The following PLK5 variants were observed in gnomAD, a reference collection of about 807,000 sequenced individuals.
PLK5 encodes inactive serine/threonine-protein kinase PLK5.
In PLK5, 28 loss-of-function variants were observed where a neutral mutation model predicts 33.7. That is an observed-to-expected ratio of 0.83 (90% CI 0.62 to 1.14). PLK5 has a LOEUF of 1.14. Ranked by LOEUF, PLK5 falls within the 50% of genes most tolerant of loss-of-function variation. The probability of loss-of-function intolerance (pLI) is 0.00; values close to 1 mark genes in which losing one functional copy is unlikely to be tolerated. For synonymous variants in PLK5, 225 were observed against 202.2 expected (o/e 1.11, Z -0.96); for missense variants, 492 against 461.5 (o/e 1.07, Z -0.61).
At position 1,531,868 on chromosome 19, in the gene PLK5, T is replaced by C. The variant is rs992255674; in HGVS notation, c.699T>C (p.Pro233=). 4 of 1,494,726 alleles carry C rather than the reference T, an allele frequency of 2.7e-6. No homozygotes were observed. In the Admixed American group the frequency reaches 8.5e-5, roughly 32 times the overall value. The allele number at this position is 1,494,726 out of a possible 1,614,324, so 92.6% of individuals were successfully genotyped here. A position where few individuals can be genotyped will look rare whatever the true frequency, so the allele number is the denominator to read the frequency against. ...GCACGGGACGGCACCCACATGGCCC[T>C]GCGACCCCCCGGAGGGTAAGTTGTG... is the stretch of plus-strand genomic sequence containing the variant. ...GGRTGRHPHG[P]ATPRREGTLP... The change falls in exon 12 of 14, where the codon CCT becomes CCC. Residue 233 remains proline, a synonymous_variant. Transcript: ENST00000454744.
chr19:1,533,569 A>C (rs992178469), intron 12 of PLK5: 4 of 472,306 alleles, frequency 8.5e-6, no homozygotes, highest in African/African-American at 3.9e-5. Context: ...TGAGGTGAAG[A>C]GAGGACAGAG....
At chr19:1,529,903 C>A in intron 11 of PLK5, 79 bp downstream of exon 11, 1 of 1,412,228 alleles carries the variant, frequency 7.1e-7, no homozygotes, top group Non-Finnish European at 9.5e-7. Context: ...ATCCTGGGCC[C>A]TCCTGGGTAT....
At chr19:1,526,307 GC>G (rs3215201) in intron 3 of PLK5, among the ~76,000 whole-genome samples, 178 bp from the exon 4 acceptor site, 61,608 of 151,596 alleles carry the variant, frequency 0.41, 13,892 homozygotes, top group East Asian at 0.71. Context: ...AAAGGTTCGT[GC>G]CCCCCCTCAG....
At chr19:1,531,401 C>G (rs953297871) in intron 11 of PLK5, among the ~76,000 whole-genome samples, 3 of 140,892 alleles carry the variant, frequency 2.1e-5, no homozygotes, top group Non-Finnish European at 3.1e-5. Flanking sequence ...GAGCAAGACT[C>G]TGTCTCAAAA....
In PLK5 at chr19:1,527,986, A is replaced by T. The variant is rs2145541354; in HGVS notation, c.53A>T (p.Glu18Val). Residue 18 changes from glutamate to valine, a missense_variant, in exon 7 of 14, where the codon GAG (glutamate) becomes GTG (valine). Coordinates refer to ENST00000454744, the MANE Select transcript of PLK5 (RefSeq NM_001243079.2). ...TPPFMASPLS[E>V]MYQNIREGHY... ...CCCTTCATGGCCTCACCCCTGTCGG[A>T]GATGTACCAAAACATCCGTGAGGGC... The T allele has an allele frequency of 6.5e-7, 1 of 1,535,986 alleles. No homozygotes were observed. Among genetic ancestry groups the T allele is most frequent in the Non-Finnish European group, 8.7e-7 (1 of 1,146,822 alleles).
At chr19:1,532,050 T>C (rs1365597115) in intron 12 of PLK5, among the ~76,000 whole-genome samples, 167 bp downstream of exon 12, 6 of 152,180 alleles carry the variant, frequency 3.9e-5, no homozygotes, top group African/African-American at 1.4e-4. Context: ...CTGTAGTAAA[T>C]GAACCCAGTG....
intron 12 of PLK5, among the ~76,000 whole-genome samples, chr19:1,532,616 G>A (rs113607557): frequency 0.062 from 9,277 of 150,042 alleles, 920 homozygotes; most frequent in African/African-American, 0.21. Context: ...TCCACCTCCC[G>A]GGTTCACACC....
At chr19:1,533,896 C>T (rs1348460107) in intron 12 of PLK5, 35 bp from the exon 13 acceptor site, 1 of 1,483,578 alleles carries the variant, frequency 6.7e-7, no homozygotes, top group South Asian at 1.2e-5. Context: ...GGGACGCCCC[C>T]TGCGTCACGT....
chr19:1,528,180 G>A (rs1185655754), intron 7 of PLK5, 46 bp downstream of exon 7: 1 of 1,530,196 alleles, frequency 6.5e-7, no homozygotes, highest in South Asian at 1.2e-5. Context: ...GGGGTCCCTG[G>A]CAGGTGATGA....
At chr19:1,530,490 G>A (rs1485760065) in intron 11 of PLK5, among the ~76,000 whole-genome samples, 2 of 151,708 alleles carry the variant, frequency 1.3e-5, no homozygotes, top group African/African-American at 4.8e-5. Flanking sequence ...GTAGAGACAG[G>A]GTTTCACCAT....
chr19:1,535,431 T>C lies in PLK5; in HGVS notation c.*181T>C. 3.3e-6 allele frequency: 2 copies of C among 613,130 alleles called. No individual in the cohort carries two copies. The highest frequency in any genetic ancestry group is 2.5e-5 in the South Asian group (1 of 40,078). The allele number at this position is 613,130 out of a possible 1,614,324, so 38.0% of individuals were successfully genotyped here. On this transcript the variant is annotated 3_prime_UTR_variant, in exon 14 of 14. Transcript: ENST00000454744. Reference sequence around the variant, plus strand: ...GACTTTGCTGGGATCTCTTCCTTTTTCATTAAAGACAATTTGAAATGCTGT... The same window carrying C: ...GACTTTGCTGGGATCTCTTCCTTTTCCATTAAAGACAATTTGAAATGCTGT...
At position 1,524,600 on chromosome 19, in the gene PLK5, CGTGTGTGTGTGTGT is replaced by C. The variant is rs57882577; in HGVS notation, c.-544+373_-544+386del. Reference sequence around the variant, plus strand: ...AAGTGTCTGGGTGCTGTGCGGTGTTCGTGTGTGTGTGTGTGTGTGTGTGTGTGTGTGTCTGGGTG... The same window carrying C: ...AAGTGTCTGGGTGCTGTGCGGTGTTCGTGTGTGTGTGTGTGTGTCTGGGTG... On this transcript the variant is annotated intron_variant, in intron 1 of 13. Coordinates refer to ENST00000454744, the MANE Select transcript of PLK5 (RefSeq NM_001243079.2). This position sits in a 1 kb window ranked among gnomAD's most constrained non-coding sequence, Gnocchi z 4.5. Among the ~76,000 whole-genome samples, 77,331 of 149,930 alleles carry C rather than the reference CGTGTGTGTGTGTGT, an allele frequency of 0.52. 20,019 individuals are homozygous for C. The highest frequency in any genetic ancestry group is 0.75 in the Middle Eastern group (218 of 292).
At chr19:1,534,177 A>C in intron 13 of PLK5, 136 bp downstream of exon 13, 4 of 672,098 alleles carry the variant, frequency 6.0e-6, no homozygotes, top group African/African-American at 1.9e-5. Context: ...AAAAAAAGGT[A>C]TTGGCTCCTG....
intron 6 of PLK5, 55 bp downstream of exon 6, chr19:1,527,053 G>C (rs1480597994): frequency 3.5e-5 from 6 of 171,936 alleles, no homozygotes; most frequent in Non-Finnish European, 4.3e-5. Flanking sequence ...CAGGTGTGGC[G>C]GGGGGGGAGC....
At position 1,529,481 on chromosome 19, in the gene PLK5, G is replaced by C; in HGVS notation, c.481G>C (p.Asp161His). 6.5e-7 allele frequency: 1 copy of C among 1,535,862 alleles called. No homozygotes were observed. The highest frequency in any genetic ancestry group is 8.7e-7 in the Non-Finnish European group (1 of 1,146,720). ...HLVAQGTLQS[D>H]LAGPEGSRRP... is the part of the protein sequence containing the mutation. Reference sequence around the variant, plus strand: ...GGTCGCACAAGGGACCCTGCAGAGTGACCTGGCCGGTGAGCAGATCCCCGT... The same window carrying C: ...GGTCGCACAAGGGACCCTGCAGAGTCACCTGGCCGGTGAGCAGATCCCCGT... Residue 161 changes from aspartate to histidine, a missense_variant, in exon 10 of 14, where the codon GAC becomes CAC. By Grantham distance (81) the Asp-to-His change is moderately conservative. Coordinates refer to ENST00000454744, the MANE Select transcript of PLK5 (RefSeq NM_001243079.2).
intron 11 of PLK5, among the ~76,000 whole-genome samples, 183 bp from the exon 12 acceptor site, chr19:1,531,555 A>G (rs1913928072): frequency 6.6e-6 from 1 of 152,178 alleles, no homozygotes; most frequent in Admixed American, 6.5e-5. Context: ...GAAATTAGTT[A>G]CGGTTCCGTG....
intron 12 of PLK5, among the ~76,000 whole-genome samples, chr19:1,533,180 C>G (rs558371003): frequency 1.3e-5 from 2 of 152,048 alleles, no homozygotes; most frequent in Non-Finnish European, 1.5e-5. Context: ...GGCTGGAGTG[C>G]AATCTCGGCT....
In PLK5 at chr19:1,535,083, C is replaced by A; in HGVS notation, c.844C>A (p.Pro282Thr). 6.5e-7 allele frequency: 1 copy of A among 1,531,914 alleles called. No homozygotes were observed. The highest frequency in any genetic ancestry group is 8.7e-7 in the Non-Finnish European group (1 of 1,145,170). The allele number at this position is 1,531,914 out of a possible 1,614,324, so 94.9% of individuals were successfully genotyped here. ...TTTGCAGGTGAGCTTCAGTGGAGTC[C>A]CGGCCCAACTGGTGCTGAGTGGCGA... ...GMVQVSFSGV[P>T]AQLVLSGEGE... The change falls in exon 14 of 14, where the codon CCG (proline) becomes ACG (threonine). Residue 282 changes from proline to threonine, a missense_variant. Coordinates refer to ENST00000454744, the MANE Select transcript of PLK5 (RefSeq NM_001243079.2).
At chr19:1,533,686 G>A (rs138480216) in intron 12 of PLK5, 1 of 593,028 alleles carries the variant, frequency 1.7e-6, no homozygotes, top group South Asian at 2.0e-5. Flanking sequence ...GGCCTGGGCT[G>A]TCCAGGACAG....
Sources: gnomAD v4.1 joint callset for allele counts (sites outside exome capture counted in the v4.1 genomes callset) on GRCh38, gnomAD v4.1.1 for gene constraint, Gnocchi (gnomAD v3.1) non-coding constraint, MANE v1.5 for transcripts, NCBI Gene and HGNC (gene_info 2026-07-23, HGNC 2026-07-21) for gene names.